ATXN2: variants seen among roughly 807,000 people sequenced by gnomAD.
ATXN2 encodes the protein ataxin 2, also known as ataxin-2.
A neutral mutation model predicts 138.6 loss-of-function variants in ATXN2; 37 were observed. That is an observed-to-expected ratio of 0.27 (90% CI 0.21 to 0.35). The LOEUF (loss-of-function observed/expected upper bound fraction) is 0.35, where lower values mean the gene tolerates loss of function less well. Among genes scored for constraint, ATXN2 ranks in the 10% least tolerant of loss-of-function variants. The probability of loss-of-function intolerance (pLI) is 1.00; values close to 1 mark genes in which losing one functional copy is unlikely to be tolerated. For missense variants in ATXN2, 1,216 were observed against 1,480.3 expected, an observed-to-expected ratio of 0.82 and a Z score of 2.93; for synonymous variants, 549 against 543.7, an observed-to-expected ratio of 1.01 and a Z score of -0.13.
intron 5 of ATXN2, among the ~76,000 whole-genome samples, chr12:111,540,542 A>G (rs1881440979): frequency 6.6e-6 from 1 of 150,670 alleles, no homozygotes; most frequent in African/African-American, 2.4e-5. Flanking sequence ...TAAAAATACA[A>G]TAAAATAAAA....
At chr12:111,472,177 G>A (rs182753127) in intron 18 of ATXN2, among the ~76,000 whole-genome samples, 5 of 152,228 alleles carry the variant, frequency 3.3e-5, no homozygotes, top group Non-Finnish European at 7.4e-5. Context: ...TGAGGTGGGA[G>A]GAACTTTTCA....
At chr12:111,569,630 C>A (rs1053636043) in intron 1 of ATXN2, among the ~76,000 whole-genome samples, 2 of 152,124 alleles carry the variant, frequency 1.3e-5, no homozygotes, top group Non-Finnish European at 2.9e-5. Context: ...GTGGGAGGAT[C>A]ACTTAAGCCC....
At chr12:111,564,273 ACT>A (rs1174395404) in intron 1 of ATXN2, among the ~76,000 whole-genome samples, 2 of 152,120 alleles carry the variant, frequency 1.3e-5, no homozygotes, top group Non-Finnish European at 2.9e-5. Flanking sequence ...TATGATACAC[ACT>A]GAGTAAATAC....
At chr12:111,462,117 T>C (rs1403701439) in intron 21 of ATXN2, among the ~76,000 whole-genome samples, 2 of 152,224 alleles carry the variant, frequency 1.3e-5, no homozygotes, top group African/African-American at 4.8e-5. Context: ...TTATTTGTAA[T>C]ACTGATTTAT....
chr12:111,547,988 C>T (rs1022926921), intron 5 of ATXN2, among the ~76,000 whole-genome samples: 2 of 151,634 alleles, frequency 1.3e-5, no homozygotes, highest in Non-Finnish European at 2.9e-5. Flanking sequence ...AGGTCAGGAG[C>T]TTGAAATCAG....
chr12:111,532,068 A>G (rs1238333717), intron 5 of ATXN2, among the ~76,000 whole-genome samples: 1 of 152,234 alleles, frequency 6.6e-6, no homozygotes, highest in Non-Finnish European at 1.5e-5. Flanking sequence ...TAATAATTTG[A>G]AGCCTGGTGC....
chr12:111,574,105 C>T (rs531515312), intron 1 of ATXN2, among the ~76,000 whole-genome samples: 22 of 151,320 alleles, frequency 1.5e-4, no homozygotes, highest in African/African-American at 4.6e-4. Flanking sequence ...ATCATGAGGT[C>T]GGGATCTGTG....
Position 111,527,796 on chromosome 12 carries a change from T to G in ATXN2, c.572-2480A>C, listed in dbSNP as rs150128365. 3.5e-3 allele frequency among the ~76,000 whole-genome samples: 527 copies of G among 152,348 alleles called. 4 individuals carry two copies. Among genetic ancestry groups the G allele is most frequent in the South Asian group, 0.017 (84 of 4,826 alleles). ...TGCTATCTTACCAACACCTCATCTT[T>G]GCTGAAAGCTACTGATGGCACTAGA... On this transcript the variant is annotated intron_variant, in intron 5 of 24. Transcript: ENST00000673436.
rs1879841977 is a variant in ATXN2 at position 111,516,118 on chromosome 12, GAC to G, written c.1375+34_1375+35del. Reference sequence around the variant, plus strand: ...TAAACTCACATAGGAGTTAAACAAAGACAAACAAAAACATGAACAAATTGTGG... The same window carrying G: ...TAAACTCACATAGGAGTTAAACAAAGAAACAAAAACATGAACAAATTGTGG... On this transcript the variant is annotated intron_variant, in intron 10 of 24. Coordinates refer to ENST00000673436, the MANE Select transcript of ATXN2 (RefSeq NM_001372574.1). The surrounding 1 kb of genome is among the most constrained non-coding windows in gnomAD (Gnocchi z 5.0). The G allele has an allele frequency of 6.4e-7, 1 of 1,560,264 alleles. No individual in the cohort carries two copies. The highest frequency in any genetic ancestry group is 8.7e-7 in the Non-Finnish European group (1 of 1,147,056).
chr12:111,587,044 G>A (rs1884381114), intron 1 of ATXN2, among the ~76,000 whole-genome samples: 1 of 147,656 alleles, frequency 6.8e-6, no homozygotes, highest in Admixed American at 6.9e-5. Flanking sequence ...AGGCCAGCCT[G>A]GGCAACATAA....
intron 5 of ATXN2, among the ~76,000 whole-genome samples, chr12:111,543,141 TA>T (rs1881616361): frequency 6.6e-6 from 1 of 152,134 alleles, no homozygotes; most frequent in Non-Finnish European, 1.5e-5. Context: ...CTGGCCTCAA[TA>T]AGTGCCACTC....
At chr12:111,518,147 A>C in intron 9 of ATXN2, 102 bp downstream of exon 9, 8 of 1,045,428 alleles carry the variant, frequency 7.7e-6, no homozygotes, top group East Asian at 2.7e-5. Context: ...CCAAATCATT[A>C]AAGTGCACAT....
intron 5 of ATXN2, among the ~76,000 whole-genome samples, chr12:111,547,656 C>A (rs1032203420): frequency 6.6e-6 from 1 of 151,400 alleles, no homozygotes; most frequent in Non-Finnish European, 1.5e-5. Flanking sequence ...ACCCAGAAGG[C>A]GGAGGTTGCA....
intron 1 of ATXN2, among the ~76,000 whole-genome samples, chr12:111,561,741 C>T (rs896390000): frequency 6.6e-6 from 1 of 151,702 alleles, no homozygotes; most frequent in African/African-American, 2.4e-5. Flanking sequence ...GGCTGAGGCA[C>T]AAGAATTGCT....
chr12:111,509,791 T>G, intron 13 of ATXN2, 100 bp downstream of exon 13: 1 of 1,022,708 alleles, frequency 9.8e-7, no homozygotes, highest in Non-Finnish European at 1.5e-6. Flanking sequence ...ATCACAATAG[T>G]AAGAAGAAAT....
chr12:111,536,315 C>T (rs1395172711), intron 5 of ATXN2, among the ~76,000 whole-genome samples: 14 of 151,988 alleles, frequency 9.2e-5, no homozygotes, highest in Admixed American at 7.9e-4. Flanking sequence ...TTGGTACACA[C>T]GTTTTGAACT....
intron 18 of ATXN2, among the ~76,000 whole-genome samples, chr12:111,483,771 T>C (rs999721834): frequency 6.6e-6 from 1 of 152,132 alleles, no homozygotes; most frequent in African/African-American, 2.4e-5. Flanking sequence ...CTAATTTTAA[T>C]GCAGAAACAT....
chr12:111,502,497 T>G (rs1878842592), intron 14 of ATXN2, among the ~76,000 whole-genome samples: 1 of 152,206 alleles, frequency 6.6e-6, no homozygotes, highest in African/African-American at 2.4e-5. Context: ...CGGCACGATC[T>G]TAACTCATGG....
At chr12:111,567,965 C>T (rs1238885701) in intron 1 of ATXN2, among the ~76,000 whole-genome samples, 2 of 151,898 alleles carry the variant, frequency 1.3e-5, no homozygotes, top group African/African-American at 4.8e-5. Flanking sequence ...ATTATTGTTT[C>T]AACAACTGGG....
Sources: gnomAD v4.1 joint callset for allele counts (sites outside exome capture counted in the v4.1 genomes callset) on GRCh38, gnomAD v4.1.1 for gene constraint, Gnocchi (gnomAD v3.1) non-coding constraint, MANE v1.5 for transcripts, NCBI Gene and HGNC (gene_info 2026-07-23, HGNC 2026-07-21) for gene names.